Variants in SYNE1 observed in about 807,000 individuals in gnomAD.
SYNE1 encodes the protein nesprin-1.
SYNE1 carries 616 observed loss-of-function variants against 1,111.0 expected under a neutral mutation model. The observed-to-expected ratio is 0.55, with a 90% CI of 0.52 to 0.59. SYNE1 has a LOEUF of 0.59. Ranked by LOEUF, SYNE1 falls within the 20% of genes least tolerant of loss-of-function variation. The probability of loss-of-function intolerance (pLI) is 0.00; values close to 1 mark genes in which losing one functional copy is unlikely to be tolerated. For missense variants in SYNE1, 10,006 were observed against 10,417.0 expected (o/e 0.96, Z 1.72); for synonymous variants, 3,855 against 3,825.8 (o/e 1.01, Z -0.28).
chr6:152,222,081 G>A (rs1244931704), intron 117 of SYNE1, among the ~76,000 whole-genome samples: 1 of 152,138 alleles, frequency 6.6e-6, no homozygotes, highest in Non-Finnish European at 1.5e-5. Flanking sequence ...ACCCTAATTG[G>A]AAAAGTTTAA....
At chr6:152,246,741 A>G (rs1319796342) in intron 105 of SYNE1, among the ~76,000 whole-genome samples, 1 of 152,232 alleles carries the variant, frequency 6.6e-6, no homozygotes, top group African/African-American at 2.4e-5. Context: ...GTGGATAAAA[A>G]TAGATCCTCC....
intron 97 of SYNE1, among the ~76,000 whole-genome samples, chr6:152,278,937 T>A (rs1341011766): frequency 6.6e-6 from 1 of 151,914 alleles, no homozygotes; most frequent in Non-Finnish European, 1.5e-5. Flanking sequence ...CTGGCTAAAT[T>A]TTTTATTTTT....
At chr6:152,505,943 T>C (rs1396838335) in intron 8 of SYNE1, among the ~76,000 whole-genome samples, 2 of 152,212 alleles carry the variant, frequency 1.3e-5, no homozygotes, top group Admixed American at 6.5e-5. Flanking sequence ...AATAGACAAA[T>C]GCAAATATTG....
At chr6:152,410,942 A>G (rs906300417) in intron 42 of SYNE1, among the ~76,000 whole-genome samples, 1 of 152,258 alleles carries the variant, frequency 6.6e-6, no homozygotes, top group Admixed American at 6.5e-5. Flanking sequence ...ATGATAGGAC[A>G]CTGTGCAACC....
rs530169409 is a variant in SYNE1, at chr6:152,261,423, T to C, written c.18972+609A>G. 2.0e-5 allele frequency among the ~76,000 whole-genome samples: 3 copies of C among 152,162 alleles called. No individual in the cohort carries two copies. In the South Asian group the frequency reaches 6.2e-4, roughly 32 times the overall value. On this transcript the variant is annotated intron_variant, in intron 101 of 145. Transcript: ENST00000367255. ...AATAGCCATTATCTGGAACCATCTG[T>C]TGCTGTCTTCAATTCCCTTGGATTT...
At chr6:152,256,155 T>C (rs2153626385) in intron 102 of SYNE1, among the ~76,000 whole-genome samples, 1 of 151,954 alleles carries the variant, frequency 6.6e-6, no homozygotes, top group East Asian at 1.9e-4. Flanking sequence ...GCGCGGTGGC[T>C]CGCGCCTGTA....
In SYNE1 at chr6:152,339,368, T is replaced by A; in HGVS notation, c.12226-2A>T. The A allele has an allele frequency of 6.2e-7, 1 of 1,613,520 alleles. No individual in the cohort carries two copies. Among genetic ancestry groups the A allele is most frequent in the Non-Finnish European group, 8.5e-7 (1 of 1,179,542 alleles). On this transcript the variant is annotated splice_acceptor_variant, in intron 74 of 145. Coordinates refer to ENST00000367255, the MANE Select transcript of SYNE1 (RefSeq NM_182961.4). LOFTEE classifies it high-confidence loss of function. ...TTGCAAAGCTCTGAAGTGTTTGACC[T>A]GGAAAAGGCAGTTATCAGAGTGAAA...
chr6:152,365,487 T>A (rs1344196664), intron 62 of SYNE1, among the ~76,000 whole-genome samples: 1 of 152,124 alleles, frequency 6.6e-6, no homozygotes, highest in African/African-American at 2.4e-5. Context: ...AGAGACAGAG[T>A]CTATCTTTCT....
intron 3 of SYNE1, among the ~76,000 whole-genome samples, chr6:152,552,598 C>T (rs1336562312): frequency 6.6e-6 from 1 of 152,082 alleles, no homozygotes; most frequent in Non-Finnish European, 1.5e-5. Flanking sequence ...ACTCATAAAT[C>T]TCAGATGGAG....
intron 13 of SYNE1, among the ~76,000 whole-genome samples, chr6:152,483,905 TC>T (rs2098924232): frequency 9.8e-6 from 1 of 102,414 alleles, no homozygotes; most frequent in African/African-American, 5.5e-5. Context: ...AATGAGACTA[TC>T]AAAAAAAAAA....
chr6:152,277,744 T>C, intron 98 of SYNE1: 1 of 339,342 alleles, frequency 2.9e-6, no homozygotes, highest in South Asian at 3.1e-5. Context: ...CCTTATAGCT[T>C]ATCTCATTCC....
At chr6:152,496,809 A>C (rs749194324) in intron 11 of SYNE1, among the ~76,000 whole-genome samples, 1 of 152,204 alleles carries the variant, frequency 6.6e-6, no homozygotes, top group Non-Finnish European at 1.5e-5. Flanking sequence ...AGGCAACTGA[A>C]GAACCAGAAA....
intron 124 of SYNE1, among the ~76,000 whole-genome samples, chr6:152,208,973 T>TA (rs991454938): frequency 6.6e-6 from 1 of 151,956 alleles, no homozygotes; most frequent in African/African-American, 2.4e-5. Flanking sequence ...TTTCTGGCTT[T>TA]AAAAAAATAT....
At chr6:152,444,380 T>C in intron 30 of SYNE1, 31 bp downstream of exon 30, 1 of 1,611,398 alleles carries the variant, frequency 6.2e-7, no homozygotes, top group Non-Finnish European at 8.5e-7. Flanking sequence ...CAACTTTACA[T>C]AATCTTGTTG....
chr6:152,455,488 G>T lies in SYNE1; in HGVS notation c.2830C>A (p.Arg944=), dbSNP rs758573837. The change falls in exon 24 of 146, where the codon CGG becomes AGG. Residue 944 remains arginine (R), a synonymous_variant. Transcript: ENST00000367255. Reference sequence around the variant, plus strand: ...TCCTCCAGGCCCTCCTGAGCAATCCGCAGTACCTTCTCCAACTCTGCTCGA... The same window carrying T: ...TCCTCCAGGCCCTCCTGAGCAATCCTCAGTACCTTCTCCAACTCTGCTCGA... ...ESRAELEKVL[R]IAQEGLEEKG... 6.2e-6 allele frequency: 10 copies of T among 1,614,068 alleles called. No homozygotes were observed. The highest frequency in any genetic ancestry group is 4.5e-5 in the East Asian group (2 of 44,864).
chr6:152,326,224 A>T (rs2096064089), intron 79 of SYNE1, 72 bp downstream of exon 79: 2 of 1,611,780 alleles, frequency 1.2e-6, no homozygotes, highest in South Asian at 2.2e-5. Context: ...AATGTATATC[A>T]TTCGTGTATT....
intron 3 of SYNE1, among the ~76,000 whole-genome samples, chr6:152,557,738 G>A (rs2128196385): frequency 6.6e-6 from 1 of 152,254 alleles, no homozygotes; most frequent in Admixed American, 6.5e-5. Context: ...AGAAATGAAG[G>A]AGTGATAAAG....
chr6:152,164,258 T>C lies in SYNE1; in HGVS notation c.23695A>G (p.Thr7899Ala). 6.2e-7 allele frequency: 1 copy of C among 1,614,144 alleles called. No homozygotes were observed. Among genetic ancestry groups the C allele is most frequent in the Non-Finnish European group, 8.5e-7 (1 of 1,180,028 alleles). The change falls in exon 131 of 146, where the codon ACC (threonine) becomes GCC (alanine). Residue 7899 changes from threonine (T) to alanine (A), a missense_variant. Thr to Ala is a moderately conservative substitution (Grantham distance 58). This residue lies in a region of SYNE1 where 2,182 missense variants were observed against 2,287.8 expected (regional missense o/e 0.95). Coordinates refer to ENST00000367255, the MANE Select transcript of SYNE1 (RefSeq NM_182961.4). ...TCTGACTCGATGTGAGCGAGCCAGG[T>C]CCTCAGGCTGCTCATGTTCTTATCA... ...QLDKNMSSLRTWLAHIESELA... is the reference protein window; with the variant it reads ...QLDKNMSSLRAWLAHIESELA...
At chr6:152,316,795 G>T (rs572796168) in intron 87 of SYNE1, 54 bp downstream of exon 87, 332 of 1,606,038 alleles carry the variant, frequency 2.1e-4, no homozygotes, top group Non-Finnish European at 2.8e-4. Flanking sequence ...AGTCTACCCA[G>T]TTAAATCAAA....
Sources: gnomAD v4.1 joint callset for allele counts (sites outside exome capture counted in the v4.1 genomes callset) on GRCh38, gnomAD v4.1.1 for gene constraint, gnomAD v4.1.1 regional missense constraint, MANE v1.5 for transcripts, NCBI Gene and HGNC (gene_info 2026-07-23, HGNC 2026-07-21) for gene names.